MOV10: variants seen among roughly 807,000 people sequenced by gnomAD.
MOV10 encodes RNA helicase MOV-10.
MOV10 carries 39 observed loss-of-function variants against 108.4 expected under a neutral mutation model. The ratio of observed to expected loss-of-function variants is 0.36; its 90% CI spans 0.28 to 0.47. The LOEUF (loss-of-function observed/expected upper bound fraction) is 0.47, where lower values mean the gene tolerates loss of function less well. Among genes scored for constraint, MOV10 ranks in the 20% least tolerant of loss-of-function variants. The pLI is 1.00. For missense variants in MOV10, 952 were observed against 1,297.6 expected (o/e 0.73, Z 4.09); for synonymous variants, 490 against 523.1 (o/e 0.94, Z 0.86).
chr1:112,693,675 T>G (rs940743425), intron 7 of MOV10: 8 of 157,934 alleles, frequency 5.1e-5, no homozygotes, highest in South Asian at 1.8e-4. Context: ...CGTTTTTTTT[T>G]TTTTTTTTTT....
At chr1:112,688,157 C>T (rs932852926) in intron 2 of MOV10, among the ~76,000 whole-genome samples, 3 of 152,080 alleles carry the variant, frequency 2.0e-5, no homozygotes, top group African/African-American at 7.2e-5. Context: ...GTGTGCTCCT[C>T]GAGGCAAGCG....
intron 3 of MOV10, 34 bp from the exon 4 acceptor site, chr1:112,689,381 A>ACCCCCCCCCTGCAC: frequency 1.4e-6 from 1 of 738,824 alleles, no homozygotes; most frequent in Non-Finnish European, 2.4e-6. Flanking sequence ...GACCGCTCCC[A>ACCCCCCCCCTGCAC]CCCCAACCCC....
intron 7 of MOV10, 53 bp downstream of exon 7, chr1:112,692,982 A>G: frequency 6.5e-7 from 1 of 1,526,780 alleles, no homozygotes; most frequent in South Asian, 1.2e-5. Flanking sequence ...GCCAAGCTAG[A>G]GGCTGTGGGC....
At position 112,694,924 on chromosome 1, in the gene MOV10, T is replaced by C; in HGVS notation, c.1620+28T>C. On this transcript the variant is annotated intron_variant, in intron 10 of 20. Transcript: ENST00000369645. This position sits in a 1 kb window ranked among gnomAD's most constrained non-coding sequence, Gnocchi z 4.1. ...GGGGTCTGAGCACAAACCTGGGGCCTGCACTCTGATTCCCCCAGCACCAAG... is the reference window on the plus strand; with the variant it reads ...GGGGTCTGAGCACAAACCTGGGGCCCGCACTCTGATTCCCCCAGCACCAAG... 6.2e-7 allele frequency: 1 copy of C among 1,602,010 alleles called. No homozygotes were observed. Among genetic ancestry groups the C allele is most frequent in the Non-Finnish European group, 8.5e-7 (1 of 1,171,770 alleles).
intron 2 of MOV10, among the ~76,000 whole-genome samples, chr1:112,686,462 C>G (rs1199394471): frequency 2.0e-5 from 3 of 152,262 alleles, no homozygotes; most frequent in South Asian, 2.1e-4. Context: ...TTGAGGGTTT[C>G]TTGTTTTCCC....
intron 3 of MOV10, 90 bp from the exon 4 acceptor site, chr1:112,689,325 C>T: frequency 7.4e-7 from 1 of 1,347,734 alleles, no homozygotes; most frequent in East Asian, 2.3e-5. Context: ...TGGCACTTTG[C>T]CTGCCTCCCA....
intron 2 of MOV10, among the ~76,000 whole-genome samples, chr1:112,687,392 G>T (rs888200609): frequency 6.6e-6 from 1 of 152,164 alleles, no homozygotes; most frequent in Non-Finnish European, 1.5e-5. Context: ...TGACCATGAT[G>T]ATTTAGCCTG....
chr1:112,694,966 C>A lies in MOV10; in HGVS notation c.1620+70C>A. Reference sequence around the variant, plus strand: ...AGCACCAAGCAGTTGTCCCCAGATTCTAGTTCCTTCCCACTCCCGAAATGC... The same window carrying A: ...AGCACCAAGCAGTTGTCCCCAGATTATAGTTCCTTCCCACTCCCGAAATGC... On this transcript the variant is annotated intron_variant, in intron 10 of 20. Coordinates refer to ENST00000369645, the MANE Select transcript of MOV10 (RefSeq NM_001321324.2). The surrounding 1 kb of genome is among the most constrained non-coding windows in gnomAD (Gnocchi z 4.1). 6.6e-7 allele frequency: 1 copy of A among 1,513,720 alleles called. No homozygotes were observed. 93.8% of individuals were successfully genotyped at this position (1,513,720 alleles called of 1,614,324 possible). A position where few individuals can be genotyped will look rare whatever the true frequency, so the allele number is the denominator to read the frequency against.
chr1:112,675,119 C>T lies in MOV10; in HGVS notation c.137+70C>T. ...GCTGCCACGACCCCCGCGCGAGGGC[C>T]ACCTTTCCCGCCCCGGGGCGCAGAG... On this transcript the variant is annotated intron_variant, in intron 2 of 20. Transcript: ENST00000369645. The surrounding 1 kb of genome is among the most constrained non-coding windows in gnomAD (Gnocchi z 4.7). 1 of 1,549,576 alleles carries T rather than the reference C, an allele frequency of 6.5e-7. No homozygotes were observed. The highest frequency in any genetic ancestry group is 1.2e-5 in the South Asian group (1 of 85,582).
chr1:112,689,199 T>A, intron 3 of MOV10, 61 bp downstream of exon 3: 1 of 1,455,304 alleles, frequency 6.9e-7, no homozygotes, highest in Non-Finnish European at 9.4e-7. Context: ...GGAAGGGGGC[T>A]ATCTGTGTGA....
At chr1:112,677,432 T>C (rs1672283742) in intron 2 of MOV10, among the ~76,000 whole-genome samples, 2 of 151,394 alleles carry the variant, frequency 1.3e-5, no homozygotes, top group South Asian at 4.1e-4. Flanking sequence ...GCTGGAATGC[T>C]GTGAAGTCAA....
Position 112,700,578 on chromosome 1 carries a change from C to G in MOV10, c.*71C>G, listed in dbSNP as rs1374895925. ...TGCCTGACCCTGAACCAGAACCCAG[C>G]TGAACTGCCCCTCCAAGGGACAGGA... On this transcript the variant is annotated 3_prime_UTR_variant, in exon 21 of 21. Transcript: ENST00000369645. The G allele has an allele frequency of 3.2e-6, 5 of 1,585,866 alleles. No homozygotes were observed. The highest frequency in any genetic ancestry group is 4.3e-6 in the Non-Finnish European group (5 of 1,166,036).
intron 2 of MOV10, among the ~76,000 whole-genome samples, chr1:112,678,099 ACT>A (rs111522151): frequency 0.021 from 3,252 of 151,862 alleles, 52 homozygotes; most frequent in African/African-American, 0.037. Flanking sequence ...ACTTTGAACA[ACT>A]CTCTAAATTT....
chr1:112,694,265 C>G lies in MOV10; in HGVS notation c.1295+93C>G. ...TGTTTCTCCCTGAGATAAATGAGAC[C>G]CCGGGGCAGAGCAGGAGACTTTTCC... is the stretch of plus-strand genomic sequence containing the variant. On this transcript the variant is annotated intron_variant, in intron 8 of 20. Transcript: ENST00000369645. The surrounding 1 kb of genome is among the most constrained non-coding windows in gnomAD (Gnocchi z 4.1). 6.6e-7 allele frequency: 1 copy of G among 1,524,078 alleles called. No homozygotes were observed. Among genetic ancestry groups the G allele is most frequent in the South Asian group, 1.2e-5 (1 of 86,528 alleles). 94.4% of individuals were successfully genotyped at this position (1,524,078 alleles called of 1,614,324 possible). A position where few individuals can be genotyped will look rare whatever the true frequency, so the allele number is the denominator to read the frequency against.
rs776259482 is a variant in MOV10, at chr1:112,694,081, T to A, written c.1204T>A (p.Ser402Thr). ...GGGCGACCACCTGTTTGCCCTTTTGTCCTCGGAGACACACCAGGAGGACCC... is the reference window on the plus strand; with the variant it reads ...GGGCGACCACCTGTTTGCCCTTTTGACCTCGGAGACACACCAGGAGGACCC... ...LRGDHLFALL[S>T]SETHQEDPIT... The change falls in exon 8 of 21, where the codon TCC becomes ACC. Residue 402 changes from serine to threonine, a missense_variant. Ser to Thr is a moderately conservative substitution (Grantham distance 58). Transcript: ENST00000369645. The surrounding 1 kb of genome is among the most constrained non-coding windows in gnomAD (Gnocchi z 4.1). The A allele has an allele frequency of 2.5e-6, 4 of 1,613,834 alleles. No individual in the cohort carries two copies. The highest frequency in any genetic ancestry group is 1.3e-5 in the African/African-American group (1 of 74,832).
At chr1:112,699,051 TA>T in intron 17 of MOV10, 1 of 472,254 alleles carries the variant, frequency 2.1e-6, no homozygotes, top group South Asian at 3.0e-5. Flanking sequence ...GCCCTAAGGA[TA>T]AAGTCCAAAT....
rs949895190 is a variant in MOV10, at chr1:112,698,117, G to T, written c.2316+6G>T. The T allele has an allele frequency of 6.2e-7, 1 of 1,613,492 alleles. No individual in the cohort carries two copies. The highest frequency in any genetic ancestry group is 8.5e-7 in the Non-Finnish European group (1 of 1,179,578). ...GGGCGGGCCTACCTCGACAGGTGAG[G>T]CTGAGCAGGGCAGGCCCCACCCCTG... On this transcript the variant is annotated splice_donor_region_variant and intron_variant, in intron 15 of 20. Transcript: ENST00000369645.
rs1277456835 is a variant in MOV10, at chr1:112,689,120, C to T, written c.323C>T (p.Ala108Val). Reference sequence around the variant, plus strand: ...AGCAAACACCACAAGTCACTGCTAGCCAAGATCTTTTATGACAGGTGTGTG... The same window carrying T: ...AGCAAACACCACAAGTCACTGCTAGTCAAGATCTTTTATGACAGGTGTGTG... ...DISKHHKSLLAKIFYDRAEYL... is the reference protein window; with the variant it reads ...DISKHHKSLLVKIFYDRAEYL... Residue 108 changes from alanine (A) to valine (V), a missense_variant, in exon 3 of 21, where the codon GCC (alanine) becomes GTC (valine). By Grantham distance (64) the Ala-to-Val change is moderately conservative. This residue lies in a region of MOV10 where 374 missense variants were observed against 468.6 expected (regional missense o/e 0.80). Transcript: ENST00000369645. 1 of 1,605,272 alleles carries T rather than the reference C, an allele frequency of 6.2e-7. No homozygotes were observed. Among genetic ancestry groups the T allele is most frequent in the Non-Finnish European group, 8.5e-7 (1 of 1,176,166 alleles).
Position 112,698,465 on chromosome 1 carries a change from C to T in MOV10, c.2495C>T (p.Pro832Leu), listed in dbSNP as rs370420551. 3.7e-6 allele frequency: 6 copies of T among 1,613,800 alleles called. No homozygotes were observed. Among genetic ancestry groups the T allele is most frequent in the Admixed American group, 1.7e-5 (1 of 59,986 alleles). Residue 832 changes from proline (P) to leucine (L), a missense_variant, in exon 16 of 21, where the codon CCG (proline) becomes CTG (leucine). This residue lies in a region of MOV10 where 453 missense variants were observed against 611.5 expected (regional missense o/e 0.74). Coordinates refer to ENST00000369645, the MANE Select transcript of MOV10 (RefSeq NM_001321324.2). ...CCTCGAAGTGTGGGCGTCATCTCCC[C>T]GTACCGGAAACAGGTCAGGTCCTCA... ...LSPRSVGVIS[P>L]YRKQVEKIRY...
Sources: allele counts gnomAD v4.1 joint callset (sites outside exome capture counted in the v4.1 genomes callset), GRCh38; gene constraint gnomAD v4.1.1; regional missense constraint gnomAD v4.1.1; non-coding constraint Gnocchi (gnomAD v3.1); transcripts MANE v1.5; gene names NCBI Gene and HGNC (gene_info 2026-07-23, HGNC 2026-07-21).